Variants in APLF observed in about 807,000 individuals in gnomAD.
APLF encodes aprataxin and PNK-like factor.
A neutral mutation model predicts 55.6 loss-of-function variants in APLF; 61 were observed. That is an observed-to-expected ratio of 1.10 (90% confidence interval 0.89 to 1.36). The LOEUF (loss-of-function observed/expected upper bound fraction) is 1.36. Ranked by LOEUF, APLF falls within the 40% of genes most tolerant of loss-of-function variation. The pLI is 0.00. For synonymous variants in APLF, 207 were observed against 214.8 expected (o/e 0.96, Z 0.32); for missense variants, 611 against 602.5 (o/e 1.01, Z -0.15).
intron 2 of APLF, among the ~76,000 whole-genome samples, chr2:68,495,721 T>A (rs1266833626): frequency 6.6e-6 from 1 of 152,280 alleles, no homozygotes; most frequent in Non-Finnish European, 1.5e-5. Flanking sequence ...AGCAGGCTTC[T>A]GCCTGGATAC....
At chr2:68,558,383 A>G (rs1011012313) in intron 8 of APLF, among the ~76,000 whole-genome samples, 17 of 152,162 alleles carry the variant, frequency 1.1e-4, no homozygotes, top group Admixed American at 6.5e-4. Flanking sequence ...TTTTTATTTA[A>G]TAAAGACCAT....
intron 1 of APLF, among the ~76,000 whole-genome samples, chr2:68,484,964 C>CTGTGTGTGTG (rs143959201): frequency 6.7e-6 from 1 of 150,154 alleles, no homozygotes; most frequent in African/African-American, 2.4e-5. Context: ...TGTAATATGC[C>CTGTGTGTGTG]TGTGTGTGTG....
chr2:68,498,712 G>A (rs1676632089), intron 2 of APLF, among the ~76,000 whole-genome samples: 2 of 152,240 alleles, frequency 1.3e-5, no homozygotes. Flanking sequence ...GTAAATGACT[G>A]TATCACCAGT....
At chr2:68,490,152 G>A (rs753516603) in intron 1 of APLF, 38 bp from the exon 2 acceptor site, 4 of 1,470,992 alleles carry the variant, frequency 2.7e-6, no homozygotes, top group Non-Finnish European at 3.7e-6. Flanking sequence ...TTTTAAGGAG[G>A]TGGCTATTCT....
chr2:68,523,824 T>A lies in APLF; in HGVS notation c.623-2237T>A, dbSNP rs1159786517. Among the ~76,000 whole-genome samples the A allele has an allele frequency of 4.6e-5, 7 of 152,014 alleles. No homozygotes were observed. The East Asian group carries it at 1.4e-3, about 29-fold the overall frequency. ...TTTGCCATACCAGATATAAAGACTG[T>A]TGTCAGCCATTTTAAGCTATTCATT... On this transcript the variant is annotated intron_variant, in intron 5 of 9. Transcript: ENST00000303795.
At chr2:68,551,603 C>CT (rs70954311) in intron 8 of APLF, among the ~76,000 whole-genome samples, 4,158 of 115,722 alleles carry the variant, frequency 0.036, 96 homozygotes, top group South Asian at 0.058. Flanking sequence ...TCTTCTTCTT[C>CT]TTTTTTTTTT....
At chr2:68,577,777 G>T in intron 9 of APLF, 43 bp from the exon 10 acceptor site, 1 of 1,599,910 alleles carries the variant, frequency 6.3e-7, no homozygotes, top group South Asian at 1.1e-5. Flanking sequence ...ATCCCAGGTT[G>T]AGTGGTGATT....
At chr2:68,534,114 A>T (rs1231156320) in intron 6 of APLF, among the ~76,000 whole-genome samples, 1 of 152,216 alleles carries the variant, frequency 6.6e-6, no homozygotes, top group Non-Finnish European at 1.5e-5. Flanking sequence ...TCTTGCTTGG[A>T]TCTGGGGAGA....
chr2:68,496,973 T>C (rs997046217), intron 2 of APLF, among the ~76,000 whole-genome samples: 3 of 152,352 alleles, frequency 2.0e-5, no homozygotes, highest in African/African-American at 7.2e-5. Flanking sequence ...GTTAGGGAGT[T>C]CTGAAGTCAC....
chr2:68,539,549 C>T (rs1558547303), intron 7 of APLF, among the ~76,000 whole-genome samples: 1 of 152,150 alleles, frequency 6.6e-6, no homozygotes, highest in Non-Finnish European at 1.5e-5. Flanking sequence ...CTTTTTAAAG[C>T]CCCTATCTCC....
At chr2:68,504,617 C>G (rs1045601887) in intron 3 of APLF, among the ~76,000 whole-genome samples, 1 of 148,322 alleles carries the variant, frequency 6.7e-6, no homozygotes, top group African/African-American at 2.6e-5. Context: ...AAGAAGGAAA[C>G]TTTTTTCCTA....
chr2:68,533,697 C>A (rs1223781924), intron 6 of APLF, among the ~76,000 whole-genome samples: 4 of 152,232 alleles, frequency 2.6e-5, no homozygotes, highest in African/African-American at 9.6e-5. Context: ...GCTGGGCCCA[C>A]CTCCCTCCCT....
At chr2:68,510,235 C>CA (rs1229104641) in intron 3 of APLF, among the ~76,000 whole-genome samples, 3 of 151,192 alleles carry the variant, frequency 2.0e-5, no homozygotes, top group Admixed American at 6.6e-5. Flanking sequence ...TAATAATATA[C>CA]AAAAAAAGAA....
chr2:68,529,931 C>A lies in APLF; in HGVS notation c.804+3689C>A, dbSNP rs13392058. ...AGATCCCGCCAGGCTCCCCCGGGGC[C>A]TCTCCAGTGCCTCTGTGCCGCCTGG... On this transcript the variant is annotated intron_variant, in intron 6 of 9. Coordinates refer to ENST00000303795, the MANE Select transcript of APLF (RefSeq NM_173545.3). The surrounding 1 kb of genome is among the most constrained non-coding windows in gnomAD (Gnocchi z 4.4). 0.083 allele frequency among the ~76,000 whole-genome samples: 12,666 copies of A among 152,240 alleles called. 498 individuals are homozygous for A. The highest frequency in any genetic ancestry group is 0.12 in the Middle Eastern group (34 of 294).
chr2:68,488,390 G>T (rs1195499867), intron 1 of APLF, among the ~76,000 whole-genome samples: 1 of 150,176 alleles, frequency 6.7e-6, no homozygotes, highest in Non-Finnish European at 1.5e-5. Context: ...GCATGCAGTG[G>T]CACGATCATG....
chr2:68,467,663 C>T lies in APLF; in HGVS notation c.-69C>T, dbSNP rs981718775. 5.1e-6 allele frequency: 6 copies of T among 1,181,526 alleles called. No individual in the cohort carries two copies. Among genetic ancestry groups the T allele is most frequent in the Non-Finnish European group, 6.4e-6 (6 of 940,070 alleles). 73.2% of individuals were successfully genotyped at this position (1,181,526 alleles called of 1,614,324 possible). A position where few individuals can be genotyped will look rare whatever the true frequency, so the allele number is the denominator to read the frequency against. ...TCCCAGGGCGTGGGCTTGCCCCGCGCGTGTCTGTGGAGGGCGGAAACAGCG... is the reference window on the plus strand; with the variant it reads ...TCCCAGGGCGTGGGCTTGCCCCGCGTGTGTCTGTGGAGGGCGGAAACAGCG... On this transcript the variant is annotated 5_prime_UTR_variant, in exon 1 of 10. Coordinates refer to ENST00000303795, the MANE Select transcript of APLF (RefSeq NM_173545.3).
rs993590414 is a variant in APLF at position 68,529,073 on chromosome 2, T to TTA, written c.804+2832_804+2833dup. On this transcript the variant is annotated intron_variant, in intron 6 of 9. Coordinates refer to ENST00000303795, the MANE Select transcript of APLF (RefSeq NM_173545.3). This position sits in a 1 kb window ranked among gnomAD's most constrained non-coding sequence, Gnocchi z 4.4. ...CTCATCTAATGAAGGAAGTTGAAGG[T>TTA]TAAACTTGCCTCTGAGACGAGGGAT... 2 of 1,438,732 alleles carry TTA rather than the reference T, an allele frequency of 1.4e-6. No individual in the cohort carries two copies. The highest frequency in any genetic ancestry group is 2.8e-5 in the African/African-American group (2 of 70,976). 89.1% of individuals were successfully genotyped at this position (1,438,732 alleles called of 1,614,324 possible). A position where few individuals can be genotyped will look rare whatever the true frequency, so the allele number is the denominator to read the frequency against.
At chr2:68,528,294 A>G in intron 6 of APLF, 3 of 1,398,050 alleles carry the variant, frequency 2.1e-6, no homozygotes, top group Non-Finnish European at 2.9e-6. Flanking sequence ...CTGAATTTTG[A>G]TGTTCTACTT....
chr2:68,493,717 A>C (rs1202277252), intron 2 of APLF, among the ~76,000 whole-genome samples: 1 of 152,180 alleles, frequency 6.6e-6, no homozygotes, highest in African/African-American at 2.4e-5. Flanking sequence ...TAATCCCAAC[A>C]ATTTGGGAGG....
Sources: allele counts gnomAD v4.1 joint callset (sites outside exome capture counted in the v4.1 genomes callset), GRCh38; gene constraint gnomAD v4.1.1; non-coding constraint Gnocchi (gnomAD v3.1); transcripts MANE v1.5; gene names NCBI Gene and HGNC (gene_info 2026-07-23, HGNC 2026-07-21).